BCL2L13: variants seen among roughly 807,000 people sequenced by gnomAD.
The protein encoded by BCL2L13 is BCL2 like 13.
A neutral mutation model predicts 25.8 loss-of-function variants in BCL2L13; 13 were observed. That is an observed-to-expected ratio of 0.50 (90% CI 0.33 to 0.80). The LOEUF is 0.80. Among genes scored for constraint, BCL2L13 ranks in the 30% least tolerant of loss-of-function variants. BCL2L13 has a pLI of 0.02. For missense variants in BCL2L13, 504 were observed against 574.9 expected (o/e 0.88, Z 1.26); for synonymous variants, 244 against 230.3 (o/e 1.06, Z -0.54).
chr22:17,688,401 G>A (rs1216177715), intron 3 of BCL2L13, among the ~76,000 whole-genome samples: 3 of 152,172 alleles, frequency 2.0e-5, no homozygotes, highest in African/African-American at 7.2e-5. Context: ...ATTAGAATCT[G>A]ATATAAGTGC....
At chr22:17,685,760 CTTTTTTTTTTT>C (rs1166792513) in intron 3 of BCL2L13, among the ~76,000 whole-genome samples, 1,690 of 60,628 alleles carry the variant, frequency 0.028, 29 homozygotes, top group African/African-American at 0.1. Context: ...TTTTCTTTTT[CTTTTTTTTTTT>C]TTTTTTTTTT....
intron 3 of BCL2L13, chr22:17,684,757 A>G: frequency 8.5e-6 from 3 of 354,032 alleles, no homozygotes; most frequent in Non-Finnish European, 1.1e-5. Context: ...TTTTTTTGAC[A>G]GAGTCTGGCT....
chr22:17,643,568 A>G (rs1011486699), intron 1 of BCL2L13, among the ~76,000 whole-genome samples: 6 of 152,172 alleles, frequency 3.9e-5, no homozygotes, highest in Non-Finnish European at 4.4e-5. Context: ...CATGAGACTA[A>G]AGAGCTGATA....
intron 3 of BCL2L13, among the ~76,000 whole-genome samples, chr22:17,687,570 G>A (rs543137242): frequency 2.0e-5 from 3 of 152,124 alleles, no homozygotes; most frequent in South Asian, 4.2e-4. Context: ...AGGCTGGAGT[G>A]CAGTGTCGCA....
At chr22:17,630,348 C>G (rs756228540) in intron 1 of BCL2L13, among the ~76,000 whole-genome samples, 20 of 151,170 alleles carry the variant, frequency 1.3e-4, no homozygotes, top group Non-Finnish European at 1.9e-4. Flanking sequence ...GGCATGGTGT[C>G]AGCTCACTAC....
intron 1 of BCL2L13, among the ~76,000 whole-genome samples, chr22:17,633,474 A>G (rs988922854): frequency 6.6e-6 from 1 of 152,324 alleles, no homozygotes; most frequent in African/African-American, 2.4e-5. Flanking sequence ...ACAAGTTTCA[A>G]AAAACTCCCT....
At chr22:17,694,727 G>A (rs562933403) in intron 4 of BCL2L13, among the ~76,000 whole-genome samples, 17 of 152,264 alleles carry the variant, frequency 1.1e-4, no homozygotes, top group Admixed American at 8.5e-4. Flanking sequence ...CATGGCATGT[G>A]TCAGAATCTT....
intron 1 of BCL2L13, 148 bp from the exon 2 acceptor site, chr22:17,655,514 A>T (rs2058826893): frequency 2.7e-6 from 1 of 367,970 alleles, no homozygotes; most frequent in Non-Finnish European, 4.5e-6. Context: ...GGTTGTGGTG[A>T]GCTGAGATTG....
intron 4 of BCL2L13, among the ~76,000 whole-genome samples, chr22:17,690,546 GC>G (rs2060076208): frequency 6.6e-6 from 1 of 152,020 alleles, no homozygotes; most frequent in Admixed American, 6.6e-5. Flanking sequence ...ATTGCTTGAG[GC>G]CAGGAGTTAA....
At chr22:17,651,299 T>G (rs903235813) in intron 1 of BCL2L13, among the ~76,000 whole-genome samples, 2 of 151,780 alleles carry the variant, frequency 1.3e-5, no homozygotes, top group African/African-American at 4.8e-5. Flanking sequence ...CGCTGGGCCA[T>G]TCAGTCTTCT....
chr22:17,643,153 C>T (rs767000127), intron 1 of BCL2L13, among the ~76,000 whole-genome samples: 24 of 152,124 alleles, frequency 1.6e-4, no homozygotes, highest in Non-Finnish European at 3.4e-4. Flanking sequence ...CAAGATTGAA[C>T]AATTAGGCCT....
intron 6 of BCL2L13, among the ~76,000 whole-genome samples, chr22:17,704,255 T>G (rs2060525118): frequency 6.6e-6 from 1 of 152,052 alleles, no homozygotes; most frequent in East Asian, 1.9e-4. Flanking sequence ...CCAGCTACTT[T>G]TTGTATTTTT....
At chr22:17,683,132 C>CA (rs34013263) in intron 2 of BCL2L13, 82 bp from the exon 3 acceptor site, 67,273 of 589,248 alleles carry the variant, frequency 0.11, 39 homozygotes, top group East Asian at 0.18. Flanking sequence ...GACTCCGTCT[C>CA]AAAAAAAAAA....
intron 6 of BCL2L13, 34 bp downstream of exon 6, chr22:17,702,420 GA>G (rs763173751): frequency 3.9e-5 from 58 of 1,482,014 alleles, no homozygotes; most frequent in African/African-American, 2.9e-4. Flanking sequence ...ATATTTTCTT[GA>G]AAAAAAATTA....
chr22:17,680,524 AAAAAAAAAAAAAAAAAAG>A lies in BCL2L13; in HGVS notation c.122-2682_122-2665del, dbSNP rs869215190. Among the ~76,000 whole-genome samples the A allele has an allele frequency of 3.9e-3, 322 of 83,102 alleles. 4 individuals are homozygous for A. Among genetic ancestry groups the A allele is most frequent in the Middle Eastern group, 5.6e-3 (1 of 178 alleles). 54.5% of individuals were successfully genotyped at this position (83,102 alleles called of 152,430 possible). On this transcript the variant is annotated intron_variant, in intron 2 of 6. Transcript: ENST00000317582. Reference sequence around the variant, plus strand: ...GAGACTCTGTCTCAAAAAAAAAAAAAAAAAAAAAAAAAAAAAAGAAAAAAAGACTCATACCTAGAAAGG... The same window carrying A: ...GAGACTCTGTCTCAAAAAAAAAAAAAAAAAAAAGACTCATACCTAGAAAGG...
chr22:17,664,275 G>A (rs944015596), intron 2 of BCL2L13, among the ~76,000 whole-genome samples: 7 of 152,154 alleles, frequency 4.6e-5, no homozygotes, highest in Admixed American at 2.6e-4. Flanking sequence ...GTGAGCCACC[G>A]TGCCCAGCTG....
intron 6 of BCL2L13, among the ~76,000 whole-genome samples, chr22:17,708,980 A>G (rs1388720002): frequency 6.6e-6 from 1 of 152,226 alleles, no homozygotes; most frequent in East Asian, 1.9e-4. Context: ...TAACGCCTGT[A>G]ATACCAGCAC....
chr22:17,723,648 C>T lies in BCL2L13; in HGVS notation c.601-3029C>T, dbSNP rs1000189542. On this transcript the variant is annotated intron_variant, in intron 6 of 6. Coordinates refer to ENST00000317582, the MANE Select transcript of BCL2L13 (RefSeq NM_015367.4). Reference sequence around the variant, plus strand: ...TAATCTAAGCACTATAAATACTATACCTCGGGCCGGGCGCGGTGTCTCACG... The same window carrying T: ...TAATCTAAGCACTATAAATACTATATCTCGGGCCGGGCGCGGTGTCTCACG... Among the ~76,000 whole-genome samples, 6 of 152,094 alleles carry T rather than the reference C, an allele frequency of 3.9e-5. No homozygotes were observed. In the South Asian group the frequency reaches 1.0e-3, roughly 26 times the overall value.
At chr22:17,713,751 C>T (rs1293547448) in intron 6 of BCL2L13, among the ~76,000 whole-genome samples, 2 of 151,580 alleles carry the variant, frequency 1.3e-5, no homozygotes, top group African/African-American at 4.8e-5. Context: ...TGAGCCACTG[C>T]GCCCAGCCAA....
Sources: allele counts gnomAD v4.1 joint callset (sites outside exome capture counted in the v4.1 genomes callset), GRCh38; gene constraint gnomAD v4.1.1; transcripts MANE v1.5; gene names NCBI Gene and HGNC (gene_info 2026-07-23, HGNC 2026-07-21).